The following PCDHA12 variants were observed in gnomAD, a reference collection of about 807,000 sequenced individuals.
PCDHA12 encodes the protein protocadherin alpha 12.
A neutral mutation model predicts 60.0 loss-of-function variants in PCDHA12; 44 were observed. The ratio of observed to expected loss-of-function variants is 0.73; its 90% confidence interval spans 0.58 to 0.94. PCDHA12 has a LOEUF of 0.94. PCDHA12 is among the 40% of genes least tolerant of loss of function. The pLI, the probability that PCDHA12 is intolerant of heterozygous loss-of-function variation, is 0.00. For synonymous variants in PCDHA12, 569 were observed against 553.0 expected (o/e 1.03, Z -0.40); for missense variants, 1,276 against 1,239.7 (o/e 1.03, Z -0.44).
intron 1 of PCDHA12, among the ~76,000 whole-genome samples, chr5:140,901,940 T>A (rs1444811552): frequency 6.6e-6 from 1 of 152,172 alleles, no homozygotes; most frequent in Non-Finnish European, 1.5e-5. Context: ...CCTAGGTATA[T>A]TTAGTTTTAT....
intron 3 of PCDHA12, among the ~76,000 whole-genome samples, chr5:140,990,831 A>G (rs1004872074): frequency 6.6e-6 from 1 of 152,192 alleles, no homozygotes; most frequent in Non-Finnish European, 1.5e-5. Context: ...GCTAAAGCCT[A>G]TTAGCAAAAA....
At chr5:140,884,538 G>A (rs781889228) in intron 1 of PCDHA12, 21 of 1,613,994 alleles carry the variant, frequency 1.3e-5, no homozygotes, top group Non-Finnish European at 1.8e-5. Context: ...AGGCGGCCGA[G>A]GGTGTGCTCT....
At chr5:140,951,589 C>A (rs2094605772) in intron 1 of PCDHA12, among the ~76,000 whole-genome samples, 1 of 152,088 alleles carries the variant, frequency 6.6e-6, no homozygotes, top group Admixed American at 6.5e-5. Flanking sequence ...TTCACGAGAT[C>A]TCTCTCACTG....
chr5:140,927,366 A>G (rs782348018), intron 1 of PCDHA12: 29 of 1,614,088 alleles, frequency 1.8e-5, no homozygotes, highest in Admixed American at 1.7e-4. Context: ...GCAATGGGAT[A>G]CTAAGCTACA....
chr5:140,913,981 G>A (rs1222294742), intron 1 of PCDHA12, among the ~76,000 whole-genome samples: 1 of 152,090 alleles, frequency 6.6e-6, no homozygotes, highest in Non-Finnish European at 1.5e-5. Flanking sequence ...TTTAGGACTT[G>A]TATTGTGACT....
At chr5:140,878,906 C>T (rs1320249788) in intron 1 of PCDHA12, among the ~76,000 whole-genome samples, 2 of 152,210 alleles carry the variant, frequency 1.3e-5, no homozygotes, top group African/African-American at 4.8e-5. Flanking sequence ...CAGGCTCCAC[C>T]ACTCCCAGCT....
intron 1 of PCDHA12, among the ~76,000 whole-genome samples, chr5:140,909,839 C>A (rs2074714040): frequency 1.3e-5 from 2 of 152,146 alleles, no homozygotes; most frequent in Admixed American, 6.5e-5. Context: ...GGAGGACCAC[C>A]AGGACGTTTT....
At position 141,011,322 on chromosome 5, in the gene PCDHA12, C is replaced by T. The variant is rs1210973958; in HGVS notation, c.*1385C>T. The T allele has an allele frequency of 2.0e-5, 3 of 153,698 alleles. No individual in the cohort carries two copies. The highest frequency in any genetic ancestry group is 7.2e-5 in the African/African-American group (3 of 41,430). The allele number at this position is 153,698 out of a possible 1,614,324, so 9.5% of individuals were successfully genotyped here. On this transcript the variant is annotated 3_prime_UTR_variant, in exon 4 of 4. Coordinates refer to ENST00000398631, the MANE Select transcript of PCDHA12 (RefSeq NM_018903.4). Reference sequence around the variant, plus strand: ...CTCTGAATTGCTAATCTTACTAACACCTATGATGTTACCTGAAATCAATCT... The same window carrying T: ...CTCTGAATTGCTAATCTTACTAACATCTATGATGTTACCTGAAATCAATCT...
rs781960813 is a variant in PCDHA12 at position 140,883,266 on chromosome 5, A to C, written c.2367+5427A>C. On this transcript the variant is annotated intron_variant, in intron 1 of 3. Transcript: ENST00000398631. ...AAAGGAAATATTCCAATGGCGGGTCATTGTACCCTTTTGGTGGAAGTACTA... is the reference window on the plus strand; with the variant it reads ...AAAGGAAATATTCCAATGGCGGGTCCTTGTACCCTTTTGGTGGAAGTACTA... 2.7e-5 allele frequency: 43 copies of C among 1,614,082 alleles called. No individual in the cohort carries two copies. In the African/African-American group the frequency reaches 4.7e-4, roughly 18 times the overall value.
At chr5:140,952,057 C>T (rs1214818651) in intron 1 of PCDHA12, among the ~76,000 whole-genome samples, 1 of 152,164 alleles carries the variant, frequency 6.6e-6, no homozygotes, top group Non-Finnish European at 1.5e-5. Flanking sequence ...AATCTTAAAG[C>T]TCCAAATAAT....
rs572947059 is a variant in PCDHA12 at position 141,007,735 on chromosome 5, A to G, written c.2516-1892A>G. Reference sequence around the variant, plus strand: ...CCACCAGGGAGAACAAAGGTTAACCACTGAAGATAACTTTGGACTCTTATT... The same window carrying G: ...CCACCAGGGAGAACAAAGGTTAACCGCTGAAGATAACTTTGGACTCTTATT... On this transcript the variant is annotated intron_variant, in intron 3 of 3. Coordinates refer to ENST00000398631, the MANE Select transcript of PCDHA12 (RefSeq NM_018903.4). Among the ~76,000 whole-genome samples, 58 of 152,336 alleles carry G rather than the reference A, an allele frequency of 3.8e-4. 1 individual carries two copies. Among genetic ancestry groups the G allele is most frequent in the South Asian group, 2.9e-3 (14 of 4,824 alleles).
intron 1 of PCDHA12, chr5:140,928,747 C>G (rs781895762): frequency 6.2e-7 from 1 of 1,614,132 alleles, no homozygotes; most frequent in Non-Finnish European, 8.5e-7. Context: ...AGGTGAGCTC[C>G]GTACTGCTCG....
intron 1 of PCDHA12, among the ~76,000 whole-genome samples, chr5:140,896,950 C>A (rs996950218): frequency 6.6e-6 from 1 of 152,106 alleles, no homozygotes; most frequent in Non-Finnish European, 1.5e-5. Context: ...TGGCCATTCC[C>A]TTAAACATTT....
Position 140,876,661 on chromosome 5 carries a change from C to T in PCDHA12, c.1189C>T (p.Leu397=). The change falls in exon 1 of 4, where the codon CTG becomes TTG. Residue 397 remains leucine (L), a synonymous_variant. Coordinates refer to ENST00000398631, the MANE Select transcript of PCDHA12 (RefSeq NM_018903.4). The part of the protein sequence containing the change: ...CSLTPHVPFK[L]VSTYKNYYSL... ...ACTGACACCTCATGTTCCCTTCAAG[C>T]TGGTGTCCACCTACAAGAATTACTA... 2 of 1,614,212 alleles carry T rather than the reference C, an allele frequency of 1.2e-6. No homozygotes were observed. Among genetic ancestry groups the T allele is most frequent in the Non-Finnish European group, 1.7e-6 (2 of 1,180,040 alleles).
intron 3 of PCDHA12, among the ~76,000 whole-genome samples, chr5:140,992,017 CTGTG>C (rs10602499): frequency 0.28 from 40,265 of 145,404 alleles, 5,754 homozygotes; most frequent in East Asian, 0.38. Flanking sequence ...AGAGGTGGCT[CTGTG>C]TGTGTGTGTG....
intron 1 of PCDHA12, among the ~76,000 whole-genome samples, chr5:140,894,564 T>C (rs1554186142): frequency 6.6e-6 from 1 of 151,978 alleles, no homozygotes; most frequent in Non-Finnish European, 1.5e-5. Context: ...GAAAAAATTA[T>C]TTTCCTTTTT....
intron 1 of PCDHA12, among the ~76,000 whole-genome samples, chr5:140,926,099 T>C (rs1364046229): frequency 6.6e-6 from 1 of 152,162 alleles, no homozygotes; most frequent in Non-Finnish European, 1.5e-5. Context: ...GCTCCTGGGA[T>C]ACAAGAGGGT....
At chr5:140,992,517 G>C (rs78765218) in intron 3 of PCDHA12, among the ~76,000 whole-genome samples, 388 of 152,300 alleles carry the variant, frequency 2.5e-3, no homozygotes, top group African/African-American at 8.8e-3. Flanking sequence ...GGGCATGGTA[G>C]CTAATGGAAA....
chr5:141,001,825 CAG>C (rs1244261427), intron 3 of PCDHA12, among the ~76,000 whole-genome samples: 1 of 151,674 alleles, frequency 6.6e-6, no homozygotes, highest in Non-Finnish European at 1.5e-5. Flanking sequence ...CAAATTCTGA[CAG>C]AGAGGGAGAC....
Sources: gnomAD v4.1 joint callset for allele counts (sites outside exome capture counted in the v4.1 genomes callset) on GRCh38, gnomAD v4.1.1 for gene constraint, MANE v1.5 for transcripts, NCBI Gene and HGNC (gene_info 2026-07-23, HGNC 2026-07-21) for gene names.